Variants in EYS observed in about 807,000 individuals in gnomAD.
EYS encodes protein eyes shut homolog.
A neutral mutation model predicts 282.1 loss-of-function variants in EYS; 250 were observed. That is an observed-to-expected ratio of 0.89 (90% CI 0.80 to 0.98). The LOEUF is 0.98. Among genes scored for constraint, EYS ranks in the 50% least tolerant of loss-of-function variants. The pLI is 0.00. For synonymous variants in EYS, 1,355 were observed against 1,282.9 expected (o/e 1.06, Z -1.20); for missense variants, 4,016 against 3,709.0 (o/e 1.08, Z -2.15).
chr6:64,285,280 AC>A (rs776771223), intron 30 of EYS, among the ~76,000 whole-genome samples: 1 of 150,970 alleles, frequency 6.6e-6, no homozygotes, highest in Non-Finnish European at 1.5e-5. Context: ...ATGCTTTACC[AC>A]TTAGAAATTT....
intron 35 of EYS, among the ~76,000 whole-genome samples, chr6:63,945,592 T>G (rs1179457315): frequency 6.6e-6 from 1 of 152,218 alleles, no homozygotes; most frequent in Non-Finnish European, 1.5e-5. Flanking sequence ...GCAAATATAC[T>G]TAATTATTGC....
chr6:64,080,239 ATGAT>A (rs956301752), intron 32 of EYS, among the ~76,000 whole-genome samples: 21 of 152,130 alleles, frequency 1.4e-4, no homozygotes, highest in African/African-American at 5.1e-4. Context: ...TGACTTTTTA[ATGAT>A]TGCCATTCTA....
intron 26 of EYS, among the ~76,000 whole-genome samples, chr6:64,461,336 A>G (rs1775737393): frequency 1.3e-5 from 2 of 152,134 alleles, no homozygotes; most frequent in African/African-American, 4.8e-5. Context: ...TTCCTGGATT[A>G]TATTGTGGAG....
intron 26 of EYS, among the ~76,000 whole-genome samples, chr6:64,469,636 G>T (rs529699535): frequency 1.3e-5 from 2 of 152,044 alleles, no homozygotes; most frequent in Non-Finnish European, 2.9e-5. Flanking sequence ...CTTGCCAAGC[G>T]GACCGTAGTC....
chr6:64,846,042 C>A (rs1394865845), intron 19 of EYS, among the ~76,000 whole-genome samples: 1 of 152,086 alleles, frequency 6.6e-6, no homozygotes, highest in African/African-American at 2.4e-5. Context: ...TCAAATCAAT[C>A]ATCTTATAGA....
chr6:65,464,709 GGAGA>G (rs1764939131), intron 5 of EYS, among the ~76,000 whole-genome samples: 1 of 152,104 alleles, frequency 6.6e-6, no homozygotes, highest in African/African-American at 2.4e-5. Context: ...TGAGCATACA[GGAGA>G]GAGTCTGGAA....
intron 28 of EYS, among the ~76,000 whole-genome samples, chr6:64,405,537 T>C (rs1773679006): frequency 6.6e-6 from 1 of 152,174 alleles, no homozygotes; most frequent in Non-Finnish European, 1.5e-5. Context: ...GAAGTCAAAT[T>C]GTCTCTGTTT....
rs1767310128 is a variant in EYS at position 64,617,451 on chromosome 6, A to G, written c.3651T>C (p.Pro1217=). ...CAGGTGTGCATAAACATGTCGAGCC[A>G]GGTTCATTCTCCATGCAGAGTTCAT... ...CVHELCMENE[P]GSTCLCTPGF... is the part of the protein sequence containing the mutation. Residue 1217 remains proline (P), a synonymous_variant, in exon 24 of 43, where the codon CCT becomes CCC. Transcript: ENST00000503581. 3 of 1,550,696 alleles carry G rather than the reference A, an allele frequency of 1.9e-6. No individual in the cohort carries two copies. Among genetic ancestry groups the G allele is most frequent in the Non-Finnish European group, 2.6e-6 (3 of 1,146,200 alleles).
chr6:65,099,197 A>G (rs1203533193), intron 12 of EYS, among the ~76,000 whole-genome samples: 2 of 150,710 alleles, frequency 1.3e-5, no homozygotes, highest in Non-Finnish European at 3.0e-5. Flanking sequence ...TATAAATTAT[A>G]TGTGGCATAG....
chr6:64,914,865 T>A (rs1768112426), intron 15 of EYS, among the ~76,000 whole-genome samples: 1 of 152,106 alleles, frequency 6.6e-6, no homozygotes, highest in Non-Finnish European at 1.5e-5. Context: ...ATTGCACATT[T>A]CTTTGTGAAG....
At chr6:65,377,179 T>G (rs1420769791) in intron 8 of EYS, among the ~76,000 whole-genome samples, 1 of 152,118 alleles carries the variant, frequency 6.6e-6, no homozygotes, top group Non-Finnish European at 1.5e-5. Context: ...AAAAACAGCC[T>G]CTTAGACCAC....
chr6:63,808,860 A>C (rs1770970169), intron 36 of EYS, among the ~76,000 whole-genome samples: 1 of 152,184 alleles, frequency 6.6e-6, no homozygotes, highest in Non-Finnish European at 1.5e-5. Flanking sequence ...TATTAATAAC[A>C]TTCCCATATC....
intron 40 of EYS, among the ~76,000 whole-genome samples, chr6:63,772,452 G>A: frequency 6.6e-6 from 1 of 152,088 alleles, no homozygotes; most frequent in South Asian, 2.1e-4. Flanking sequence ...ATATATCTAT[G>A]TGTTATATAA....
chr6:64,714,862 T>C (rs775989433), intron 22 of EYS, among the ~76,000 whole-genome samples: 2 of 152,132 alleles, frequency 1.3e-5, no homozygotes, highest in East Asian at 1.9e-4. Context: ...ATAAATAGGC[T>C]GATGAGACCA....
At chr6:63,953,417 A>C (rs1334120859) in intron 35 of EYS, among the ~76,000 whole-genome samples, 2 of 152,084 alleles carry the variant, frequency 1.3e-5, no homozygotes, top group East Asian at 3.9e-4. Flanking sequence ...TGTTCTCAGA[A>C]GGATATCGTG....
intron 22 of EYS, among the ~76,000 whole-genome samples, chr6:64,649,717 T>C (rs1317181902): frequency 1.3e-5 from 2 of 152,172 alleles, no homozygotes; most frequent in Admixed American, 6.5e-5. Context: ...CACTAATTTA[T>C]CTGACAAATA....
chr6:64,652,916 C>T (rs966678826), intron 22 of EYS, among the ~76,000 whole-genome samples: 9 of 152,134 alleles, frequency 5.9e-5, no homozygotes, highest in African/African-American at 1.7e-4. Context: ...ATTTTACATA[C>T]ATTCGCACAG....
intron 29 of EYS, among the ~76,000 whole-genome samples, chr6:64,354,488 TA>T (rs960792852): frequency 1.3e-5 from 2 of 151,622 alleles, no homozygotes; most frequent in African/African-American, 4.8e-5. Context: ...TCCTCATCCA[TA>T]AAAAAAGAAT....
intron 12 of EYS, among the ~76,000 whole-genome samples, chr6:65,273,576 G>A (rs1767962295): frequency 6.6e-6 from 1 of 152,008 alleles, no homozygotes; most frequent in Admixed American, 6.6e-5. Flanking sequence ...AAGTTTGAAG[G>A]GGAAAAAAAG....
Sources: allele counts gnomAD v4.1 joint callset (sites outside exome capture counted in the v4.1 genomes callset), GRCh38; gene constraint gnomAD v4.1.1; transcripts MANE v1.5; gene names NCBI Gene and HGNC (gene_info 2026-07-23, HGNC 2026-07-21).